Variants in PCDHGB2 observed in about 807,000 individuals in gnomAD.
The protein encoded by PCDHGB2 is protocadherin gamma-B2.
In PCDHGB2, 55 loss-of-function variants were observed where a neutral mutation model predicts 59.3. The ratio of observed to expected loss-of-function variants is 0.93; its 90% CI spans 0.75 to 1.16. The LOEUF is 1.16. PCDHGB2 is among the 50% of genes most tolerant of loss of function. The pLI is 0.00. For synonymous variants in PCDHGB2, 516 were observed against 512.0 expected, an observed-to-expected ratio of 1.01 and a Z score of -0.11; for missense variants, 1,228 against 1,198.5, an observed-to-expected ratio of 1.02 and a Z score of -0.36.
In PCDHGB2 at chr5:141,419,702, G is replaced by A. The variant is rs116279995; in HGVS notation, c.2421+57146G>A. 1.9e-3 allele frequency: 3,028 copies of A among 1,612,950 alleles called. 48 individuals are homozygous for A. In the African/African-American group the frequency reaches 0.033, roughly 18 times the overall value. The stretch of plus-strand genomic sequence containing the variant: ...CCACGTGGTGCAGGCCAGTGAGCCC[G>A]GGCTCTTCAGCCTGGGGCTGCGAAC... On this transcript the variant is annotated intron_variant, in intron 1 of 3. Transcript: ENST00000522605.
At chr5:141,424,215 G>T in intron 1 of PCDHGB2, 1 of 167,104 alleles carries the variant, frequency 6.0e-6, no homozygotes. Flanking sequence ...TTTTCTCTGA[G>T]CAATTTTATT....
chr5:141,381,416 C>T (rs995030864), intron 1 of PCDHGB2, among the ~76,000 whole-genome samples: 2 of 152,236 alleles, frequency 1.3e-5, no homozygotes, highest in African/African-American at 2.4e-5. Context: ...AGTGGAGAGA[C>T]GAGTACCTCT....
At chr5:141,372,149 C>T in intron 1 of PCDHGB2, 2 of 1,613,782 alleles carry the variant, frequency 1.2e-6, no homozygotes, top group Non-Finnish European at 1.7e-6. Context: ...CAGAGCCTGG[C>T]TACCTGGTGA....
rs542113846 is a variant in PCDHGB2 at position 141,433,037 on chromosome 5, A to G, written c.2422-61770A>G. ...GACCTATTCCCACGAGGTTTCCCTCACCACGGACTCGCGGAAGAGTCACCT... is the reference window on the plus strand; with the variant it reads ...GACCTATTCCCACGAGGTTTCCCTCGCCACGGACTCGCGGAAGAGTCACCT... On this transcript the variant is annotated intron_variant, in intron 1 of 3. Coordinates refer to ENST00000522605, the MANE Select transcript of PCDHGB2 (RefSeq NM_018923.3). 249 of 1,614,172 alleles carry G rather than the reference A, an allele frequency of 1.5e-4. 6 individuals are homozygous for G. The South Asian group carries it at 2.5e-3, about 16-fold the overall frequency.
chr5:141,469,918 G>T (rs2099215604), intron 1 of PCDHGB2, among the ~76,000 whole-genome samples: 2 of 152,148 alleles, frequency 1.3e-5, no homozygotes, highest in African/African-American at 4.8e-5. Context: ...ACCACCCGAG[G>T]TCAGGAGTTT....
chr5:141,385,268 C>A (rs1561607524), intron 1 of PCDHGB2: 3 of 1,613,616 alleles, frequency 1.9e-6, no homozygotes, highest in South Asian at 2.2e-5. Context: ...AAAAATGATT[C>A]TTTGCTAACA....
In PCDHGB2 at chr5:141,476,177, C is replaced by T. The variant is rs1221752964; in HGVS notation, c.2422-18630C>T. On this transcript the variant is annotated intron_variant, in intron 1 of 3. Transcript: ENST00000522605. The surrounding 1 kb of genome is among the most constrained non-coding windows in gnomAD (Gnocchi z 7.6). ...CACCGGGAGGGTAGTGGGAGTTTTG[C>T]TTCTGCTTGGTGCCTTGAACAAGGC... 6.2e-7 allele frequency: 1 copy of T among 1,613,436 alleles called. No individual in the cohort carries two copies. Among genetic ancestry groups the T allele is most frequent in the Non-Finnish European group, 8.5e-7 (1 of 1,179,944 alleles).
At chr5:141,478,603 A>C (rs116528962) in intron 1 of PCDHGB2, 173 of 1,563,096 alleles carry the variant, frequency 1.1e-4, no homozygotes, top group Non-Finnish European at 1.4e-4. Context: ...CCTACATCAT[A>C]TTGAGGAAGG....
Position 141,361,463 on chromosome 5 carries a change from C to T in PCDHGB2, c.1328C>T (p.Ser443Phe). 1 of 1,614,070 alleles carries T rather than the reference C, an allele frequency of 6.2e-7. No homozygotes were observed. Among genetic ancestry groups the T allele is most frequent in the South Asian group, 1.1e-5 (1 of 91,086 alleles). Residue 443 changes from serine to phenylalanine, a missense_variant, in exon 1 of 4, where the codon TCC becomes TTC. Coordinates refer to ENST00000522605, the MANE Select transcript of PCDHGB2 (RefSeq NM_018923.3). The part of the protein sequence containing the change: ...SSSIIVTLHI[S>F]DVNDNAPVFQ... ...AGCATAATTGTCACCCTGCACATCT[C>T]CGACGTCAACGATAATGCCCCAGTT...
At chr5:141,374,028 G>A (rs1417226376) in intron 1 of PCDHGB2, 1 of 1,418,506 alleles carries the variant, frequency 7.0e-7, no homozygotes, top group Non-Finnish European at 9.3e-7. Context: ...GAGCAAAAGT[G>A]ATGCAGATCT....
At chr5:141,466,929 T>C (rs2099132302) in intron 1 of PCDHGB2, among the ~76,000 whole-genome samples, 1 of 152,232 alleles carries the variant, frequency 6.6e-6, no homozygotes, top group African/African-American at 2.4e-5. Context: ...TTAGGAATAT[T>C]AGTCCTTTGT....
intron 1 of PCDHGB2, chr5:141,365,931 C>T (rs1221190365): frequency 6.2e-7 from 1 of 1,614,112 alleles, no homozygotes; most frequent in African/African-American, 1.3e-5. Flanking sequence ...TGGGTGACAG[C>T]CAGCGACAGT....
intron 1 of PCDHGB2, 134 bp from the exon 2 acceptor site, chr5:141,494,673 C>G: frequency 4.5e-6 from 7 of 1,542,992 alleles, no homozygotes; most frequent in Non-Finnish European, 6.1e-6. Flanking sequence ...GATGAGTCCA[C>G]CCCTGCCCCC....
intron 1 of PCDHGB2, chr5:141,395,873 G>A (rs1430280971): frequency 6.6e-6 from 1 of 152,046 alleles, no homozygotes; most frequent in Non-Finnish European, 1.5e-5. Flanking sequence ...TTAAGTATGT[G>A]AGTCAGTGGT....
chr5:141,421,477 A>G (rs755936665), intron 1 of PCDHGB2: 23 of 1,614,022 alleles, frequency 1.4e-5, no homozygotes, highest in Non-Finnish European at 1.7e-6. Context: ...GCGAAGCGGC[A>G]GCTTGATCAC....
Position 141,370,267 on chromosome 5 carries a change from C to T in PCDHGB2, c.2421+7711C>T. On this transcript the variant is annotated intron_variant, in intron 1 of 3. Coordinates refer to ENST00000522605, the MANE Select transcript of PCDHGB2 (RefSeq NM_018923.3). ...GCACTCTCTATCAGGCTTCCTGCAG[C>T]GGAGACACCCATTAGAGAACCCAAG... The T allele has an allele frequency of 6.5e-6, 5 of 767,402 alleles. No homozygotes were observed. The East Asian group carries it at 1.1e-4, about 17-fold the overall frequency. 47.5% of individuals were successfully genotyped at this position (767,402 alleles called of 1,614,324 possible). A position where few individuals can be genotyped will look rare whatever the true frequency, so the allele number is the denominator to read the frequency against.
At chr5:141,488,031 A>G (rs1475176300) in intron 1 of PCDHGB2, among the ~76,000 whole-genome samples, 1 of 152,122 alleles carries the variant, frequency 6.6e-6, no homozygotes, top group Non-Finnish European at 1.5e-5. Context: ...CTAGGTTACC[A>G]TTTCCCAAGG....
chr5:141,479,651 C>A (rs56818742), intron 1 of PCDHGB2: 43,954 of 152,194 alleles, frequency 0.29, 6,853 homozygotes, highest in African/African-American at 0.41. Flanking sequence ...ACAACAACAA[C>A]AATCCCAGAA....
intron 1 of PCDHGB2, among the ~76,000 whole-genome samples, chr5:141,446,247 A>T (rs969960822): frequency 6.6e-6 from 1 of 152,160 alleles, no homozygotes; most frequent in African/African-American, 2.4e-5. Context: ...GTAGATCTTC[A>T]GTGAAATATT....
Sources: gnomAD v4.1 joint callset for allele counts (sites outside exome capture counted in the v4.1 genomes callset) on GRCh38, gnomAD v4.1.1 for gene constraint, Gnocchi (gnomAD v3.1) non-coding constraint, MANE v1.5 for transcripts, NCBI Gene and HGNC (gene_info 2026-07-23, HGNC 2026-07-21) for gene names.